ARHGEF10: variants seen among roughly 807,000 people sequenced by gnomAD.
ARHGEF10 encodes the protein Rho guanine nucleotide exchange factor 10.
Under a neutral mutation model 147.4 loss-of-function variants are expected in ARHGEF10, and 140 were observed. The observed-to-expected ratio is 0.95, with a 90% confidence interval of 0.83 to 1.09. The LOEUF (loss-of-function observed/expected upper bound fraction) is 1.09, where lower values mean the gene tolerates loss of function less well. ARHGEF10 is among the 50% of genes least tolerant of loss of function. ARHGEF10 has a pLI of 0.00. For synonymous variants in ARHGEF10, 902 were observed against 695.8 expected, an observed-to-expected ratio of 1.30 and a Z score of -4.67; for missense variants, 2,222 against 1,752.7, an observed-to-expected ratio of 1.27 and a Z score of -4.78.
At chr8:1,878,729 A>G (rs1807917894) in intron 8 of ARHGEF10, among the ~76,000 whole-genome samples, 1 of 152,164 alleles carries the variant, frequency 6.6e-6, no homozygotes, top group South Asian at 2.1e-4. Context: ...CTTGGTAGTA[A>G]TTCAGGAGAC....
intron 11 of ARHGEF10, among the ~76,000 whole-genome samples, chr8:1,888,898 T>TGGGTGAGGTTTGTGAGGAGACAGTGAGTG (rs1809090980): frequency 1.6e-5 from 1 of 62,550 alleles, no homozygotes; most frequent in African/African-American, 8.0e-5. Context: ...GACACTGAGT[T>TGGGTGAGGTTTGTGAGGAGACAGTGAGTG]GGGTGAGGGT....
At chr8:1,833,993 C>T (rs1803428521) in intron 1 of ARHGEF10, among the ~76,000 whole-genome samples, 1 of 152,170 alleles carries the variant, frequency 6.6e-6, no homozygotes, top group African/African-American at 2.4e-5. Context: ...CAAGCAGACA[C>T]ATGCAGCTCC....
intron 10 of ARHGEF10, among the ~76,000 whole-genome samples, chr8:1,884,528 C>G (rs1014754144): frequency 6.6e-6 from 1 of 152,126 alleles, no homozygotes; most frequent in South Asian, 2.1e-4. Context: ...GCTTTTAAAA[C>G]AGGCTGGTGC....
intron 26 of ARHGEF10, among the ~76,000 whole-genome samples, chr8:1,939,855 T>C (rs897591183): frequency 6.6e-6 from 1 of 152,236 alleles, no homozygotes; most frequent in African/African-American, 2.4e-5. Context: ...CCCATGCCGC[T>C]GAAGGTAGCC....
At chr8:1,845,979 C>A (rs1669089337) in intron 2 of ARHGEF10, among the ~76,000 whole-genome samples, 1 of 152,332 alleles carries the variant, frequency 6.6e-6, no homozygotes, top group East Asian at 1.9e-4. Flanking sequence ...TATGACAGGT[C>A]CACGCCCTCT....
intron 27 of ARHGEF10, among the ~76,000 whole-genome samples, chr8:1,949,123 A>G (rs943053524): frequency 3.3e-5 from 5 of 152,214 alleles, no homozygotes; most frequent in Non-Finnish European, 2.9e-5. Context: ...AGACTTGCCA[A>G]GCCGAAACAA....
Position 1,859,892 on chromosome 8 carries a change from C to A in ARHGEF10, c.194-5C>A, listed in dbSNP as rs1312197232. 3 of 1,613,024 alleles carry A rather than the reference C, an allele frequency of 1.9e-6. No individual in the cohort carries two copies. Among genetic ancestry groups the A allele is most frequent in the Non-Finnish European group, 2.5e-6 (3 of 1,180,008 alleles). ...TCTGCTGACAAGTCCTTTCTGCATC[C>A]CCAGGAGGTGAGGATGGAGCTGGAG... On this transcript the variant is annotated splice_polypyrimidine_tract_variant and splice_region_variant and intron_variant, in intron 3 of 28. Coordinates refer to ENST00000349830, the MANE Select transcript of ARHGEF10 (RefSeq NM_014629.4).
Position 1,903,413 on chromosome 8 carries a change from C to T in ARHGEF10, c.1783C>T (p.Gln595Ter). 1.2e-6 allele frequency: 2 copies of T among 1,614,190 alleles called. No homozygotes were observed. The highest frequency in any genetic ancestry group is 8.5e-7 in the Non-Finnish European group (1 of 1,180,048). ...RDADQRCEVKQIAKAINERYL... is the reference protein window; with the variant it reads ...RDADQRCEVK Reference sequence around the variant, plus strand: ...TGCTGATCAACGCTGTGAAGTGAAGCAAATAGCCAAAGCCATAAACGAAAG... The same window carrying T: ...TGCTGATCAACGCTGTGAAGTGAAGTAAATAGCCAAAGCCATAAACGAAAG... The change falls in exon 16 of 29, where the codon CAA (glutamine) becomes TAA (stop). Residue 595 changes from glutamine to a stop codon, truncating the protein, a stop_gained. Coordinates refer to ENST00000349830, the MANE Select transcript of ARHGEF10 (RefSeq NM_014629.4). LOFTEE classifies it high-confidence loss of function.
At chr8:1,951,720 A>T (rs1294113378) in intron 27 of ARHGEF10, among the ~76,000 whole-genome samples, 1 of 152,224 alleles carries the variant, frequency 6.6e-6, no homozygotes, top group Admixed American at 6.5e-5. Context: ...TGTGCTCCTC[A>T]GCTTTGGGGC....
intron 10 of ARHGEF10, among the ~76,000 whole-genome samples, chr8:1,884,760 T>A (rs1473011427): frequency 6.6e-6 from 1 of 152,108 alleles, no homozygotes; most frequent in Non-Finnish European, 1.5e-5. Context: ...AAAAAATGAA[T>A]GTAGGCGTTT....
chr8:1,863,969 A>C (rs1161517072), intron 4 of ARHGEF10, among the ~76,000 whole-genome samples: 4 of 152,048 alleles, frequency 2.6e-5, no homozygotes, highest in Admixed American at 6.6e-5. Context: ...GGCCAGTCAC[A>C]GCCGTGGCTC....
intron 2 of ARHGEF10, among the ~76,000 whole-genome samples, chr8:1,854,791 C>T (rs192256785): frequency 1.6e-3 from 244 of 152,374 alleles, no homozygotes; most frequent in Admixed American, 3.5e-3. Flanking sequence ...CATTCGCTCA[C>T]ATGATGTGCG....
At chr8:1,918,266 G>C (rs920998198) in intron 18 of ARHGEF10, among the ~76,000 whole-genome samples, 1 of 152,166 alleles carries the variant, frequency 6.6e-6, no homozygotes, top group South Asian at 2.1e-4. Context: ...GGAAGCCTCA[G>C]GTTGCTCTGT....
Position 1,834,155 on chromosome 8 carries a change from C to T in ARHGEF10, c.-47-9198C>T, listed in dbSNP as rs765419719. On this transcript the variant is annotated intron_variant, in intron 1 of 28. Coordinates refer to ENST00000349830, the MANE Select transcript of ARHGEF10 (RefSeq NM_014629.4). ...CTGGGCAAGTGGATACTGTGGTGGC[C>T]GGTCCGGGGCTGCTTGTCCCCTCCC... 1.3e-4 allele frequency among the ~76,000 whole-genome samples: 20 copies of T among 152,326 alleles called. No homozygotes were observed. The South Asian group carries it at 3.7e-3, about 28-fold the overall frequency.
At position 1,929,399 on chromosome 8, in the gene ARHGEF10, C is replaced by T; in HGVS notation, c.3035C>T (p.Ala1012Val). The T allele has an allele frequency of 6.2e-7, 1 of 1,612,670 alleles. No individual in the cohort carries two copies. The highest frequency in any genetic ancestry group is 8.5e-7 in the Non-Finnish European group (1 of 1,179,732). ...SLACTSQSLYAGLVNGAVASY... is the reference protein window; with the variant it reads ...SLACTSQSLYVGLVNGAVASY... ...GCTTGCACGTCTCAGAGCCTGTACG[C>T]TGGCCTGGTCAACGGGGCAGTCGCC... Residue 1012 changes from alanine to valine, a missense_variant, in exon 25 of 29, where the codon GCT becomes GTT. By Grantham distance (64) the Ala-to-Val change is moderately conservative (BLOSUM62 0). Coordinates refer to ENST00000349830, the MANE Select transcript of ARHGEF10 (RefSeq NM_014629.4).
At chr8:1,843,810 C>T (rs75476055) in intron 2 of ARHGEF10, among the ~76,000 whole-genome samples, 5 of 152,204 alleles carry the variant, frequency 3.3e-5, no homozygotes, top group Admixed American at 3.3e-4. Flanking sequence ...TCAGCTCGCC[C>T]ATGGCGGGTG....
At chr8:1,884,639 G>T (rs1373812501) in intron 10 of ARHGEF10, among the ~76,000 whole-genome samples, 2 of 152,196 alleles carry the variant, frequency 1.3e-5, no homozygotes, top group Non-Finnish European at 1.5e-5. Flanking sequence ...TGCAGCCAGG[G>T]TTTGGGATCT....
intron 6 of ARHGEF10, 88 bp downstream of exon 6, chr8:1,866,690 C>A (rs1256317417): frequency 8.5e-7 from 1 of 1,183,124 alleles, no homozygotes; most frequent in Admixed American, 1.7e-5. Context: ...GTCTCAGGTC[C>A]CATCAGATCT....
intron 2 of ARHGEF10, among the ~76,000 whole-genome samples, chr8:1,846,230 C>T (rs1481049384): frequency 6.6e-6 from 1 of 152,266 alleles, no homozygotes; most frequent in African/African-American, 2.4e-5. Flanking sequence ...GCTGACAGGC[C>T]ACATGACCTT....
Sources: allele counts gnomAD v4.1 joint callset (sites outside exome capture counted in the v4.1 genomes callset), GRCh38; gene constraint gnomAD v4.1.1; transcripts MANE v1.5; gene names NCBI Gene and HGNC (gene_info 2026-07-23, HGNC 2026-07-21).